Variants in HS6ST1 observed in about 807,000 individuals in gnomAD.
HS6ST1 encodes heparan sulfate 6-O-sulfotransferase 1.
Under a neutral mutation model 25.2 loss-of-function variants are expected in HS6ST1, and 3 were observed. The observed-to-expected ratio is 0.12, with a 90% CI of 0.05 to 0.31. The LOEUF is 0.31. Among genes scored for constraint, HS6ST1 ranks in the 10% least tolerant of loss-of-function variants. HS6ST1 has a pLI of 1.00. For missense variants in HS6ST1, 310 were observed against 609.6 expected (o/e 0.51, Z 5.18); for synonymous variants, 204 against 275.1 (o/e 0.74, Z 2.56).
At chr2:128,301,738 C>T (rs1208667468) in intron 1 of HS6ST1, among the ~76,000 whole-genome samples, 2 of 152,136 alleles carry the variant, frequency 1.3e-5, no homozygotes, top group African/African-American at 2.4e-5. Context: ...AGCCTCTCAC[C>T]CTCAGGGGTA....
intron 1 of HS6ST1, among the ~76,000 whole-genome samples, chr2:128,278,603 G>A (rs1693732080): frequency 6.6e-6 from 1 of 152,186 alleles, no homozygotes; most frequent in African/African-American, 2.4e-5. Context: ...ATGGTCCTGC[G>A]GCTCACGGAG....
intron 1 of HS6ST1, among the ~76,000 whole-genome samples, chr2:128,315,306 C>G (rs952536099): frequency 6.6e-6 from 1 of 152,198 alleles, no homozygotes; most frequent in African/African-American, 2.4e-5. Context: ...GGATGCCCAG[C>G]TCAGAGCAGC....
intron 1 of HS6ST1, among the ~76,000 whole-genome samples, chr2:128,291,520 T>TGCGTCA (rs1693952142): frequency 1.3e-5 from 2 of 152,182 alleles, no homozygotes; most frequent in Non-Finnish European, 1.5e-5. Flanking sequence ...GCTCAGAAGG[T>TGCGTCA]GCGTCAGCGG....
At chr2:128,283,306 G>A (rs893956227) in intron 1 of HS6ST1, among the ~76,000 whole-genome samples, 1 of 152,236 alleles carries the variant, frequency 6.6e-6, no homozygotes, top group Non-Finnish European at 1.5e-5. Flanking sequence ...AGTCTGGACA[G>A]AAGGGGCCCT....
At chr2:128,292,263 C>T (rs1693964850) in intron 1 of HS6ST1, among the ~76,000 whole-genome samples, 1 of 152,214 alleles carries the variant, frequency 6.6e-6, no homozygotes, top group South Asian at 2.1e-4. Context: ...CCTGCTCACA[C>T]CATGTGTATC....
intron 1 of HS6ST1, among the ~76,000 whole-genome samples, chr2:128,270,703 C>A (rs143682786): frequency 6.6e-6 from 1 of 152,192 alleles, no homozygotes; most frequent in Non-Finnish European, 1.5e-5. Flanking sequence ...GCCGCATGGA[C>A]CTCCGCTCCC....
intron 1 of HS6ST1, among the ~76,000 whole-genome samples, chr2:128,285,894 A>C (rs980605312): frequency 2.6e-5 from 4 of 152,224 alleles, no homozygotes; most frequent in Non-Finnish European, 4.4e-5. Flanking sequence ...TCTGTCCGGC[A>C]AGGGGGCTGA....
At position 128,306,312 on chromosome 2, in the gene HS6ST1, G is replaced by C. The variant is rs555112340; in HGVS notation, c.527+11725C>G. Among the ~76,000 whole-genome samples, 10 of 152,242 alleles carry C rather than the reference G, an allele frequency of 6.6e-5. No individual in the cohort carries two copies. The East Asian group carries it at 1.7e-3, about 27-fold the overall frequency. ...CTGGAGGACGTGGCCGCGCCGCTGC[G>C]AAGATTTCTCTGCCAGGGAATGTGG... On this transcript the variant is annotated intron_variant, in intron 1 of 1. Coordinates refer to ENST00000259241, the MANE Select transcript of HS6ST1 (RefSeq NM_004807.3).
chr2:128,276,387 C>T (rs868680456), intron 1 of HS6ST1, among the ~76,000 whole-genome samples: 4 of 152,180 alleles, frequency 2.6e-5, no homozygotes, highest in Middle Eastern at 3.2e-3. Flanking sequence ...TAGCCTGCCT[C>T]GGCCTCCCAA....
intron 1 of HS6ST1, among the ~76,000 whole-genome samples, chr2:128,288,709 T>G (rs908644540): frequency 2.0e-5 from 3 of 152,076 alleles, no homozygotes; most frequent in Non-Finnish European, 4.4e-5. Flanking sequence ...AACAATCTAA[T>G]CTGACTTTCT....
intron 1 of HS6ST1, among the ~76,000 whole-genome samples, chr2:128,310,825 G>A (rs1447572226): frequency 6.6e-6 from 1 of 152,148 alleles, no homozygotes; most frequent in Non-Finnish European, 1.5e-5. Context: ...GCACTTTCAG[G>A]AAAGGAACAA....
At chr2:128,281,469 C>G (rs1175150498) in intron 1 of HS6ST1, among the ~76,000 whole-genome samples, 1 of 152,198 alleles carries the variant, frequency 6.6e-6, no homozygotes, top group Non-Finnish European at 1.5e-5. Context: ...ATCAGGATGT[C>G]CTTAGAGACA....
chr2:128,317,089 C>G (rs889887567), intron 1 of HS6ST1, among the ~76,000 whole-genome samples: 26 of 152,250 alleles, frequency 1.7e-4, no homozygotes, highest in African/African-American at 5.8e-4. Context: ...CGCAGGGCAT[C>G]CCTGCAGGAC....
intron 1 of HS6ST1, among the ~76,000 whole-genome samples, chr2:128,309,049 G>A (rs530993397): frequency 1.3e-5 from 2 of 152,320 alleles, no homozygotes; most frequent in East Asian, 1.9e-4. Flanking sequence ...AGAAGCCTGT[G>A]AGATGCAAAG....
Position 128,318,597 on chromosome 2 carries a change from C to A in HS6ST1, c.-34G>T. The A allele has an allele frequency of 7.7e-7, 1 of 1,293,274 alleles. No homozygotes were observed. The allele number at this position is 1,293,274 out of a possible 1,614,324, so 80.1% of individuals were successfully genotyped here. On this transcript the variant is annotated 5_prime_UTR_variant, in exon 1 of 2. Coordinates refer to ENST00000259241, the MANE Select transcript of HS6ST1 (RefSeq NM_004807.3). This position sits in a 1 kb window ranked among gnomAD's most constrained non-coding sequence, Gnocchi z 5.7. The stretch of plus-strand genomic sequence containing the variant: ...ATCGCCGGGGCCCGGGCGCGGGGCG[C>A]GGGGCCTGGGAGGGCAGGAGGCGCG...
chr2:128,265,922 G>T lies in HS6ST1; in HGVS notation c.*2240C>A, dbSNP rs969942782. 6.6e-6 allele frequency: 1 copy of T among 151,702 alleles called. No individual in the cohort carries two copies. The highest frequency in any genetic ancestry group is 1.5e-5 in the Non-Finnish European group (1 of 67,850). The allele number at this position is 151,702 out of a possible 1,614,324, so 9.4% of individuals were successfully genotyped here. A position where few individuals can be genotyped will look rare whatever the true frequency, so the allele number is the denominator to read the frequency against. ...AGGTGGCCTGAATGGGAAGTGCCAGGCTGGACACTTGGGGGCTGAGGGCAC... is the reference window on the plus strand; with the variant it reads ...AGGTGGCCTGAATGGGAAGTGCCAGTCTGGACACTTGGGGGCTGAGGGCAC... On this transcript the variant is annotated 3_prime_UTR_variant, in exon 2 of 2. Coordinates refer to ENST00000259241, the MANE Select transcript of HS6ST1 (RefSeq NM_004807.3).
chr2:128,317,924 C>A, intron 1 of HS6ST1, 113 bp downstream of exon 1: 1 of 1,274,582 alleles, frequency 7.8e-7, no homozygotes, highest in Non-Finnish European at 1.0e-6. Context: ...TGGGGGCCCC[C>A]AAGAGGGCAG....
At chr2:128,268,912 C>T in intron 1 of HS6ST1, 42 bp from the exon 2 acceptor site, 2 of 1,538,844 alleles carry the variant, frequency 1.3e-6, no homozygotes, top group Non-Finnish European at 1.8e-6. Flanking sequence ...TGTGACGCAG[C>T]ATGAGGGGGG....
intron 1 of HS6ST1, among the ~76,000 whole-genome samples, chr2:128,271,346 C>A (rs980132526): frequency 2.6e-5 from 4 of 152,194 alleles, no homozygotes; most frequent in Non-Finnish European, 5.9e-5. Context: ...ACCTAGCCAG[C>A]GCTGGGCCTA....
Sources: gnomAD v4.1 joint callset for allele counts (sites outside exome capture counted in the v4.1 genomes callset) on GRCh38, gnomAD v4.1.1 for gene constraint, Gnocchi (gnomAD v3.1) non-coding constraint, MANE v1.5 for transcripts, NCBI Gene and HGNC (gene_info 2026-07-23, HGNC 2026-07-21) for gene names.